ASPHD1: variants seen among roughly 807,000 people sequenced by gnomAD.
ASPHD1 encodes the protein aspartate beta-hydroxylase domain containing 1.
Under a neutral mutation model 28.3 loss-of-function variants are expected in ASPHD1, and 20 were observed. That is an observed-to-expected ratio of 0.71 (90% CI 0.50 to 1.03). The LOEUF (loss-of-function observed/expected upper bound fraction) is 1.03. ASPHD1 is among the 50% of genes least tolerant of loss of function. ASPHD1 has a pLI of 0.00. For missense variants in ASPHD1, 479 were observed against 524.1 expected (o/e 0.91, Z 0.84); for synonymous variants, 240 against 221.2 (o/e 1.08, Z -0.75).
chr16:29,910,938 C>T (rs2068696466), downstream of ASPHD1: 1 of 1,578,734 alleles, frequency 6.3e-7, no homozygotes, highest in Non-Finnish European at 8.6e-7. Context: ...TGGTCCTGGC[C>T]ACCCCCAGCC....
intron 2 of ASPHD1, 135 bp from the exon 3 acceptor site, chr16:29,905,653 A>G: frequency 2.5e-6 from 1 of 397,390 alleles, no homozygotes. Flanking sequence ...AAAAAAAAAA[A>G]GATTTGATAC....
intron 3 of ASPHD1, chr16:29,912,409 G>C: frequency 2.7e-6 from 1 of 366,110 alleles, no homozygotes; most frequent in Non-Finnish European, 4.9e-6. Flanking sequence ...GGCTAAAACA[G>C]CCTCCTCTAC....
chr16:29,904,399 T>C (rs1474622863), intron 1 of ASPHD1, among the ~76,000 whole-genome samples: 1 of 150,718 alleles, frequency 6.6e-6, no homozygotes, highest in African/African-American at 2.4e-5. Flanking sequence ...TGAGCCAAGA[T>C]CATGCCACTG....
chr16:29,910,096 T>TAAAA (rs529199170), downstream of ASPHD1, among the ~76,000 whole-genome samples: 1 of 110,430 alleles, frequency 9.1e-6, no homozygotes, highest in Non-Finnish European at 1.9e-5. Flanking sequence ...AGACTCTGTC[T>TAAAA]AAAAAAAAAA....
At position 29,904,941 on chromosome 16, in the gene ASPHD1, T is replaced by C. The variant is rs1032021479; in HGVS notation, c.1039T>C (p.Phe347Leu). 1.9e-6 allele frequency: 3 copies of C among 1,613,220 alleles called. No individual in the cohort carries two copies. Among genetic ancestry groups the C allele is most frequent in the Non-Finnish European group, 2.5e-6 (3 of 1,179,698 alleles). The change falls in exon 2 of 3, where the codon TTT becomes CTT. Residue 347 changes from phenylalanine (F) to leucine (L), a missense_variant. Physicochemically the swap from Phe to Leu is conservative, Grantham distance 22. Coordinates refer to ENST00000308748, the MANE Select transcript of ASPHD1 (RefSeq NM_181718.4). The part of the protein sequence containing the change: ...EGHCLLVDDS[F>L]LHTVAHNGSP... ...GCACTGTCTACTGGTGGACGACTCT[T>C]TTCTACACACAGTGGCTCACAATGG...
At chr16:29,903,662 T>C (rs1185670619) in intron 1 of ASPHD1, among the ~76,000 whole-genome samples, 9 of 152,134 alleles carry the variant, frequency 5.9e-5, no homozygotes, top group Non-Finnish European at 1.3e-4. Flanking sequence ...CTCTGTGCTC[T>C]AAATCATGAA....
chr16:29,907,575 C>A (rs531576331), downstream of ASPHD1, among the ~76,000 whole-genome samples: 3 of 152,028 alleles, frequency 2.0e-5, 1 homozygote, highest in African/African-American at 7.2e-5. Flanking sequence ...CAGCTTGAGG[C>A]CAGGAGTTTG....
chr16:29,911,898 G>C (rs371230382), intron 3 of ASPHD1: 4 of 1,611,052 alleles, frequency 2.5e-6, no homozygotes, highest in Non-Finnish European at 3.4e-6. Context: ...GACGAGAGGG[G>C]TGAGGCTGCA....
At chr16:29,909,102 A>C (rs2068661569), downstream of ASPHD1, among the ~76,000 whole-genome samples, 1 of 152,052 alleles carries the variant, frequency 6.6e-6, no homozygotes, top group Non-Finnish European at 1.5e-5. Context: ...ACTGTGTGAA[A>C]AGGGCCCAGC....
intron 2 of ASPHD1, 62 bp from the exon 3 acceptor site, chr16:29,905,726 G>T: frequency 9.1e-7 from 1 of 1,104,916 alleles, no homozygotes; most frequent in Non-Finnish European, 1.4e-6. Flanking sequence ...TGTTTGGTGA[G>T]TGCTCTGGTG....
At chr16:29,908,281 A>C (rs920489090), downstream of ASPHD1, among the ~76,000 whole-genome samples, 3 of 152,132 alleles carry the variant, frequency 2.0e-5, no homozygotes, top group Non-Finnish European at 2.9e-5. Context: ...ATGAGAGGGA[A>C]TGGAAAGGGA....
chr16:29,909,169 G>A (rs909287540), downstream of ASPHD1, among the ~76,000 whole-genome samples: 16 of 152,074 alleles, frequency 1.1e-4, no homozygotes, highest in Admixed American at 5.2e-4. Context: ...CTAACACCTC[G>A]CTGCTGATGC....
chr16:29,907,170 C>G (rs1424494007), downstream of ASPHD1: 1 of 1,199,620 alleles, frequency 8.3e-7, no homozygotes, highest in African/African-American at 1.5e-5. Flanking sequence ...GGCCATCCCC[C>G]TGCCTAGGGC....
chr16:29,918,407 C>T (rs8052502), intron 3 of ASPHD1, among the ~76,000 whole-genome samples: 63,997 of 152,120 alleles, frequency 0.42, 14,978 homozygotes, highest in Non-Finnish European at 0.53. Context: ...GAAATACATA[C>T]ATAATATTAC....
At chr16:29,907,082 G>C, downstream of ASPHD1, 18 of 1,610,734 alleles carry the variant, frequency 1.1e-5, no homozygotes, top group Non-Finnish European at 1.4e-5. Flanking sequence ...GGGTCTCCTC[G>C]AAGATCCGGG....
At chr16:29,910,888 T>TG (rs2150834380), downstream of ASPHD1, 2 of 1,215,326 alleles carry the variant, frequency 1.6e-6, no homozygotes, top group South Asian at 2.9e-5. Flanking sequence ...CTCCTGGTGG[T>TG]GGGCTCCTTC....
downstream of ASPHD1, among the ~76,000 whole-genome samples, chr16:29,909,836 G>A (rs1312276829): frequency 4.6e-5 from 7 of 151,996 alleles, no homozygotes; most frequent in South Asian, 2.1e-4. Flanking sequence ...TTGGGAGGCC[G>A]AGGAGGGCAG....
In ASPHD1 at chr16:29,901,944, A is replaced by G; in HGVS notation, c.949+24A>G. 6.9e-7 allele frequency: 1 copy of G among 1,449,548 alleles called. No homozygotes were observed. Among genetic ancestry groups the G allele is most frequent in the Non-Finnish European group, 9.1e-7 (1 of 1,101,714 alleles). 89.8% of individuals were successfully genotyped at this position (1,449,548 alleles called of 1,614,324 possible). On this transcript the variant is annotated intron_variant, in intron 1 of 2. Coordinates refer to ENST00000308748, the MANE Select transcript of ASPHD1 (RefSeq NM_181718.4). This position sits in a 1 kb window ranked among gnomAD's most constrained non-coding sequence, Gnocchi z 5.1. ...GGGTAAGTAGCTGCCGCCTACTGAC[A>G]ACCTCCTTGCCTCGATGATTTCCCC... is the stretch of plus-strand genomic sequence containing the variant.
chr16:29,907,221 T>C (rs1002015002), downstream of ASPHD1: 4 of 722,598 alleles, frequency 5.5e-6, no homozygotes, highest in Non-Finnish European at 9.2e-6. Context: ...GTCAGGTCCT[T>C]GGGCCTGGCC....
Sources: gnomAD v4.1 joint callset for allele counts (sites outside exome capture counted in the v4.1 genomes callset) on GRCh38, gnomAD v4.1.1 for gene constraint, Gnocchi (gnomAD v3.1) non-coding constraint, MANE v1.5 for transcripts, NCBI Gene and HGNC (gene_info 2026-07-23, HGNC 2026-07-21) for gene names.